The following LRRTM4 variants were observed in gnomAD, a reference collection of about 807,000 sequenced individuals.
The protein encoded by LRRTM4 is leucine-rich repeat transmembrane neuronal protein 4.
Under a neutral mutation model 47.6 loss-of-function variants are expected in LRRTM4, and 25 were observed. The observed-to-expected ratio is 0.53, with a 90% CI of 0.38 to 0.73. LRRTM4 has a LOEUF of 0.73. LRRTM4 is among the 30% of genes least tolerant of loss of function. LRRTM4 has a pLI of 0.00. For synonymous variants in LRRTM4, 311 were observed against 269.5 expected (o/e 1.15, Z -1.51); for missense variants, 638 against 713.4 (o/e 0.89, Z 1.20).
intron 3 of LRRTM4, among the ~76,000 whole-genome samples, chr2:76,880,449 T>A (rs1484114733): frequency 6.6e-6 from 1 of 152,096 alleles, no homozygotes; most frequent in African/African-American, 2.4e-5. Flanking sequence ...TATTTTCACC[T>A]TTTTAGACAT....
intron 3 of LRRTM4, among the ~76,000 whole-genome samples, chr2:77,452,461 A>G (rs769785490): frequency 6.6e-6 from 1 of 152,194 alleles, no homozygotes; most frequent in Non-Finnish European, 1.5e-5. Flanking sequence ...AGTTTTGTCT[A>G]TGTAAGAGGA....
intron 3 of LRRTM4, among the ~76,000 whole-genome samples, chr2:77,417,836 C>T (rs528999859): frequency 3.9e-5 from 6 of 152,132 alleles, no homozygotes; most frequent in Admixed American, 2.0e-4. Flanking sequence ...GGGTGCGGCA[C>T]ACCAACATGG....
At chr2:77,004,787 G>A (rs1032010891) in intron 3 of LRRTM4, among the ~76,000 whole-genome samples, 2 of 152,162 alleles carry the variant, frequency 1.3e-5, no homozygotes, top group East Asian at 1.9e-4. Flanking sequence ...CAACTGCACA[G>A]GAGCGAAGCT....
At chr2:77,332,890 A>T (rs1028969001) in intron 3 of LRRTM4, among the ~76,000 whole-genome samples, 1 of 152,142 alleles carries the variant, frequency 6.6e-6, no homozygotes, top group Non-Finnish European at 1.5e-5. Context: ...GTCTCCATTC[A>T]AACCTCATCT....
At chr2:77,152,902 A>T (rs1420707267) in intron 3 of LRRTM4, among the ~76,000 whole-genome samples, 1 of 152,174 alleles carries the variant, frequency 6.6e-6, no homozygotes. Flanking sequence ...GCTAGTTAAC[A>T]TATCCATCAC....
At chr2:77,069,702 C>T (rs980735608) in intron 3 of LRRTM4, among the ~76,000 whole-genome samples, 4 of 150,880 alleles carry the variant, frequency 2.7e-5, no homozygotes, top group African/African-American at 7.3e-5. Flanking sequence ...TAGCCAGCCA[C>T]GAGAGCACAG....
intron 3 of LRRTM4, among the ~76,000 whole-genome samples, chr2:77,038,762 C>T (rs1452528294): frequency 1.3e-5 from 2 of 151,444 alleles, no homozygotes; most frequent in African/African-American, 2.4e-5. Flanking sequence ...TATCCTGCAA[C>T]ACAATATTGA....
chr2:77,231,805 T>C (rs1355311834), intron 3 of LRRTM4, among the ~76,000 whole-genome samples: 1 of 152,166 alleles, frequency 6.6e-6, no homozygotes, highest in Admixed American at 6.5e-5. Flanking sequence ...GTATTCAGTA[T>C]TATGTAAACA....
At chr2:76,928,366 G>T (rs1014067594) in intron 3 of LRRTM4, among the ~76,000 whole-genome samples, 1 of 152,134 alleles carries the variant, frequency 6.6e-6, no homozygotes, top group African/African-American at 2.4e-5. Context: ...TTATGAATAT[G>T]TTTAAACAAG....
At chr2:76,975,337 A>G (rs1315274225) in intron 3 of LRRTM4, among the ~76,000 whole-genome samples, 2 of 151,768 alleles carry the variant, frequency 1.3e-5, no homozygotes, top group African/African-American at 4.8e-5. Flanking sequence ...CTTGCTCACT[A>G]TGGATTTGAA....
At chr2:77,453,780 T>C (rs765798994) in intron 3 of LRRTM4, among the ~76,000 whole-genome samples, 1 of 152,248 alleles carries the variant, frequency 6.6e-6, no homozygotes, top group Non-Finnish European at 1.5e-5. Flanking sequence ...ATTACCTTGC[T>C]ATAAATTGTT....
intron 3 of LRRTM4, among the ~76,000 whole-genome samples, chr2:77,384,181 G>C (rs1673169696): frequency 6.6e-6 from 1 of 151,294 alleles, no homozygotes; most frequent in African/African-American, 2.4e-5. Context: ...ATCAGACATT[G>C]TGATTTCCCT....
chr2:76,788,588 A>C (rs1166136088), intron 3 of LRRTM4, among the ~76,000 whole-genome samples: 1 of 152,238 alleles, frequency 6.6e-6, no homozygotes, highest in African/African-American at 2.4e-5. Flanking sequence ...AATAAGTGCA[A>C]GGAAGTTTAT....
At chr2:76,864,293 G>A (rs1264767594) in intron 3 of LRRTM4, among the ~76,000 whole-genome samples, 1 of 152,158 alleles carries the variant, frequency 6.6e-6, no homozygotes, top group Non-Finnish European at 1.5e-5. Flanking sequence ...GAAATACCCA[G>A]GAGGTAGAAA....
intron 3 of LRRTM4, among the ~76,000 whole-genome samples, chr2:76,852,973 A>G (rs931740942): frequency 1.8e-4 from 27 of 152,120 alleles, no homozygotes; most frequent in Admixed American, 7.2e-4. Flanking sequence ...AAACAGGCAC[A>G]AGTATGGGTT....
At chr2:77,420,139 G>A (rs1021248712) in intron 3 of LRRTM4, among the ~76,000 whole-genome samples, 1 of 152,156 alleles carries the variant, frequency 6.6e-6, no homozygotes, top group Non-Finnish European at 1.5e-5. Flanking sequence ...TTCTTTGTGG[G>A]CTGTTCATCT....
chr2:77,513,473 T>C (rs1679095484), intron 3 of LRRTM4, among the ~76,000 whole-genome samples: 1 of 152,256 alleles, frequency 6.6e-6, no homozygotes. Flanking sequence ...ACACAAAAAA[T>C]GGCAATATGT....
chr2:77,263,613 G>T (rs1675975154), intron 3 of LRRTM4, among the ~76,000 whole-genome samples: 1 of 152,136 alleles, frequency 6.6e-6, no homozygotes, highest in Admixed American at 6.6e-5. Context: ...TTTGGTATCA[G>T]AAGTAAAGTG....
Position 76,834,207 on chromosome 2 carries a change from A to ATT in LRRTM4, c.1552-85293_1552-85292dup, listed in dbSNP as rs11355686. On this transcript the variant is annotated intron_variant, in intron 3 of 3. Coordinates refer to ENST00000409884, the MANE Select transcript of LRRTM4 (RefSeq NM_001134745.3). ...AGGTGCCCGCCAGCATGCCAAGCTA[A>ATT]TTTTTTTTTTTTTTTGTATTTTTAG... is the stretch of plus-strand genomic sequence containing the variant. Among the ~76,000 whole-genome samples, 4 of 141,134 alleles carry ATT rather than the reference A, an allele frequency of 2.8e-5. No individual in the cohort carries two copies. The East Asian group carries it at 8.3e-4, about 29-fold the overall frequency. 92.6% of individuals were successfully genotyped at this position (141,134 alleles called of 152,430 possible).
Sources: allele counts gnomAD v4.1 joint callset (sites outside exome capture counted in the v4.1 genomes callset), GRCh38; gene constraint gnomAD v4.1.1; transcripts MANE v1.5; gene names NCBI Gene and HGNC (gene_info 2026-07-23, HGNC 2026-07-21).